Variants in PSMG2 observed in about 807,000 individuals in gnomAD.
PSMG2 encodes proteasome assembly chaperone 2, also known as CD40 ligand-activated specific transcript 3.
Under a neutral mutation model 31.5 loss-of-function variants are expected in PSMG2, and 21 were observed. The ratio of observed to expected loss-of-function variants is 0.67; its 90% CI spans 0.47 to 0.96. PSMG2 has a LOEUF of 0.96. Among genes scored for constraint, PSMG2 ranks in the 40% least tolerant of loss-of-function variants. The probability of loss-of-function intolerance (pLI) is 0.00; values close to 1 mark genes in which losing one functional copy is unlikely to be tolerated. For synonymous variants in PSMG2, 120 were observed against 110.4 expected (o/e 1.09, Z -0.54); for missense variants, 318 against 321.2 (o/e 0.99, Z 0.08).
chr18:12,672,655 C>A (rs1417759410), intron 1 of PSMG2: 2 of 982,132 alleles, frequency 2.0e-6, no homozygotes, highest in Admixed American at 1.2e-4. Context: ...CACAATTTAT[C>A]AGTATCATAA....
intron 1 of PSMG2, among the ~76,000 whole-genome samples, chr18:12,695,852 C>CCACACACACACACA (rs375916938): frequency 6.7e-5 from 10 of 148,284 alleles, no homozygotes; most frequent in African/African-American, 2.0e-4. Flanking sequence ...CATTCCTTCT[C>CCACACACACACACA]CACACACACA....
chr18:12,689,477 G>A (rs891153607), intron 1 of PSMG2, among the ~76,000 whole-genome samples: 1 of 152,192 alleles, frequency 6.6e-6, no homozygotes, highest in African/African-American at 2.4e-5. Context: ...TACAAAAAGA[G>A]CCAATGCCTG....
intron 1 of PSMG2, among the ~76,000 whole-genome samples, chr18:12,679,991 G>A (rs969707318): frequency 3.3e-5 from 5 of 151,628 alleles, no homozygotes; most frequent in African/African-American, 1.2e-4. Context: ...AGGAGGGGGA[G>A]GCTGCAGTGG....
chr18:12,674,515 A>G, intron 1 of PSMG2: 1 of 1,583,306 alleles, frequency 6.3e-7, no homozygotes, highest in Non-Finnish European at 8.7e-7. Context: ...TGAAAAAATG[A>G]TTCCGTAAAT....
chr18:12,686,941 A>C (rs1211715220), intron 1 of PSMG2, among the ~76,000 whole-genome samples: 1 of 152,228 alleles, frequency 6.6e-6, no homozygotes, highest in East Asian at 1.9e-4. Flanking sequence ...ACAGGAAACA[A>C]TAATTTGTTA....
intron 1 of PSMG2, chr18:12,679,169 T>C (rs995680352): frequency 2.0e-5 from 3 of 151,852 alleles, no homozygotes; most frequent in African/African-American, 4.8e-5. Context: ...GAATAATAAA[T>C]ATTGAAAGAC....
At chr18:12,690,948 C>T (rs558945073) in intron 1 of PSMG2, among the ~76,000 whole-genome samples, 4 of 151,346 alleles carry the variant, frequency 2.6e-5, no homozygotes, top group Non-Finnish European at 4.4e-5. Context: ...AGCCCCCCCC[C>T]GTTCTGCACA....
At position 12,715,469 on chromosome 18, in the gene PSMG2, G is replaced by A. The variant is rs2145144643; in HGVS notation, c.288+2709G>A. Among the ~76,000 whole-genome samples the A allele has an allele frequency of 2.0e-5, 3 of 152,234 alleles. 1 individual carries two copies. The Middle Eastern group carries it at 0.01, about 518-fold the overall frequency. On this transcript the variant is annotated intron_variant, in intron 3 of 6. Coordinates refer to ENST00000317615, the MANE Select transcript of PSMG2 (RefSeq NM_020232.5). ...TCTTTTCAGGAGGTTAGAAATACAG[G>A]ATTTTAGTGACATGGTTAACTGCAT...
upstream of PSMG2, chr18:12,701,012 G>C (rs187590282): frequency 5.0e-6 from 8 of 1,613,598 alleles, no homozygotes; most frequent in South Asian, 8.8e-5. Context: ...GACGTCTAAG[G>C]GCTTTGATCA....
At position 12,725,395 on chromosome 18, in the gene PSMG2, A is replaced by G. The variant is rs374777853; in HGVS notation, c.703-44A>G. 1.2e-5 allele frequency: 17 copies of G among 1,422,970 alleles called. No homozygotes were observed. The African/African-American group carries it at 2.2e-4, about 18-fold the overall frequency. 88.1% of individuals were successfully genotyped at this position (1,422,970 alleles called of 1,614,324 possible). The stretch of plus-strand genomic sequence containing the variant: ...ATAATTCACTTTAAAAGGAGATTTG[A>G]TGGTAAAGTTTAAAGATTAAAATAT... On this transcript the variant is annotated intron_variant, in intron 6 of 6. Coordinates refer to ENST00000317615, the MANE Select transcript of PSMG2 (RefSeq NM_020232.5).
At chr18:12,675,653 G>C (rs968408025) in intron 1 of PSMG2, among the ~76,000 whole-genome samples, 2 of 151,866 alleles carry the variant, frequency 1.3e-5, no homozygotes, top group Non-Finnish European at 2.9e-5. Flanking sequence ...AAAACAACAT[G>C]ATTCCATTTA....
intron 1 of PSMG2, chr18:12,678,169 C>T (rs943087907): frequency 1.4e-5 from 23 of 1,614,006 alleles, no homozygotes; most frequent in African/African-American, 4.0e-5. Context: ...TTGTTACTGA[C>T]GCGTCAATTG....
intron 2 of PSMG2, among the ~76,000 whole-genome samples, 158 bp downstream of exon 2, chr18:12,706,879 C>A (rs1728970542): frequency 6.6e-6 from 1 of 152,154 alleles, no homozygotes; most frequent in African/African-American, 2.4e-5. Flanking sequence ...CTTTTATGTC[C>A]TGGTTTTAGT....
At chr18:12,676,144 A>G (rs1448796635) in intron 1 of PSMG2, among the ~76,000 whole-genome samples, 1 of 152,150 alleles carries the variant, frequency 6.6e-6, no homozygotes, top group Non-Finnish European at 1.5e-5. Context: ...AAATGGTCTC[A>G]AAGATCCACG....
chr18:12,718,717 G>A, intron 4 of PSMG2, 82 bp downstream of exon 4: 1 of 1,029,636 alleles, frequency 9.7e-7, no homozygotes, highest in South Asian at 1.9e-5. Context: ...AACTTTAAAA[G>A]CCACGTAGAT....
At chr18:12,721,727 C>T (rs1294814176) in intron 5 of PSMG2, among the ~76,000 whole-genome samples, 29 of 151,784 alleles carry the variant, frequency 1.9e-4, no homozygotes, top group Admixed American at 1.9e-3. Context: ...CTATTATTCT[C>T]TATTATTTCT....
chr18:12,694,282 G>A (rs1278807884), intron 1 of PSMG2, among the ~76,000 whole-genome samples: 4 of 152,162 alleles, frequency 2.6e-5, no homozygotes, highest in Admixed American at 6.5e-5. Flanking sequence ...AAGCACTAGC[G>A]TCTAACCACA....
upstream of PSMG2, chr18:12,702,694 C>G (rs989597286): frequency 2.3e-6 from 2 of 866,068 alleles, no homozygotes; most frequent in Non-Finnish European, 1.7e-6. Flanking sequence ...GGACGCAACG[C>G]CGCGTCAGGC....
rs756644472 is a variant in PSMG2 at position 12,703,071 on chromosome 18, G to C, written c.-37G>C. ...TCTTGCTGCCCTCGTTCTTGCCAGG[G>C]CCGCGGTTAGTCCCTGCTGGCCACC... is the stretch of plus-strand genomic sequence containing the variant. On this transcript the variant is annotated 5_prime_UTR_variant, in exon 1 of 7. Transcript: ENST00000317615. 1.9e-6 allele frequency: 3 copies of C among 1,604,638 alleles called. No individual in the cohort carries two copies. Among genetic ancestry groups the C allele is most frequent in the East Asian group, 4.5e-5 (2 of 44,384 alleles).
Sources: gnomAD v4.1 joint callset for allele counts (sites outside exome capture counted in the v4.1 genomes callset) on GRCh38, gnomAD v4.1.1 for gene constraint, MANE v1.5 for transcripts, NCBI Gene and HGNC (gene_info 2026-07-23, HGNC 2026-07-21) for gene names.